The following AP4E1 variants were observed in gnomAD, a reference collection of about 807,000 sequenced individuals.
AP4E1 encodes AP-4 complex subunit epsilon-1.
Under a neutral mutation model 128.2 loss-of-function variants are expected in AP4E1, and 56 were observed. That is an observed-to-expected ratio of 0.44 (90% CI 0.35 to 0.55). The LOEUF is 0.55. Ranked by LOEUF, AP4E1 falls within the 20% of genes least tolerant of loss-of-function variation. AP4E1 has a pLI of 0.00. For synonymous variants in AP4E1, 484 were observed against 473.1 expected (o/e 1.02, Z -0.30); for missense variants, 1,324 against 1,307.7 (o/e 1.01, Z -0.19).
At chr15:50,990,428 G>A (rs1305513836) in intron 16 of AP4E1, among the ~76,000 whole-genome samples, 1 of 150,372 alleles carries the variant, frequency 6.7e-6, no homozygotes, top group Non-Finnish European at 1.5e-5. Context: ...ACATGATCTT[G>A]GCTCACTGCA....
At chr15:50,934,412 T>C (rs1214791384) in intron 7 of AP4E1, 2 of 458,644 alleles carry the variant, frequency 4.4e-6, no homozygotes, top group East Asian at 3.8e-5. Context: ...ATATATCTCA[T>C]TGGTTAACTA....
intron 15 of AP4E1, among the ~76,000 whole-genome samples, chr15:50,969,861 A>G (rs12904989): frequency 0.47 from 71,234 of 151,770 alleles, 16,990 homozygotes; most frequent in East Asian, 0.59. Context: ...GGGTTTCACC[A>G]TGTTAGCCAG....
At chr15:50,979,193 A>G (rs2140908695) in intron 15 of AP4E1, among the ~76,000 whole-genome samples, 1 of 152,306 alleles carries the variant, frequency 6.6e-6, no homozygotes, top group East Asian at 1.9e-4. Flanking sequence ...ACTGTCACAG[A>G]TGCTATTAAA....
intron 10 of AP4E1, among the ~76,000 whole-genome samples, chr15:50,944,426 A>C (rs2140850126): frequency 6.6e-6 from 1 of 152,340 alleles, no homozygotes; most frequent in South Asian, 2.1e-4. Context: ...TCATGGTCTT[A>C]GAATAGGAAA....
In AP4E1 at chr15:50,915,660, A is replaced by G. The variant is rs920044052; in HGVS notation, c.346+89A>G. ...AAATGAATGATGGCATGTATATAGT[A>G]TGTTTTTAGAATACTGTATTATAAT... is the stretch of plus-strand genomic sequence containing the variant. On this transcript the variant is annotated intron_variant, in intron 3 of 20. Coordinates refer to ENST00000261842, the MANE Select transcript of AP4E1 (RefSeq NM_007347.5). 6.3e-6 allele frequency: 9 copies of G among 1,426,840 alleles called. No individual in the cohort carries two copies. The African/African-American group carries it at 1.3e-4, about 20-fold the overall frequency. The allele number at this position is 1,426,840 out of a possible 1,614,324, so 88.4% of individuals were successfully genotyped here.
intron 14 of AP4E1, among the ~76,000 whole-genome samples, chr15:50,967,849 G>A (rs1013342615): frequency 6.6e-6 from 1 of 152,170 alleles, no homozygotes; most frequent in African/African-American, 2.4e-5. Context: ...ATCTTGTTCT[G>A]TTGCCCAGGC....
At chr15:50,912,854 G>A (rs1596451314) in intron 2 of AP4E1, among the ~76,000 whole-genome samples, 1 of 151,906 alleles carries the variant, frequency 6.6e-6, no homozygotes, top group African/African-American at 2.4e-5. Context: ...GTAGAGTTGG[G>A]GTTTTCATCA....
chr15:50,957,433 G>C (rs1270010047), intron 13 of AP4E1, among the ~76,000 whole-genome samples: 1 of 152,080 alleles, frequency 6.6e-6, no homozygotes, highest in Non-Finnish European at 1.5e-5. Context: ...GGCACAGGAT[G>C]GGGCAGGGCA....
chr15:50,996,856 T>C (rs1210575614), intron 17 of AP4E1, among the ~76,000 whole-genome samples: 1 of 152,230 alleles, frequency 6.6e-6, no homozygotes, highest in Admixed American at 6.5e-5. Context: ...AACCAGTTTT[T>C]CTTTCTGCTT....
chr15:50,984,177 T>C (rs376551462), intron 16 of AP4E1, 32 bp downstream of exon 16: 1 of 1,611,306 alleles, frequency 6.2e-7, no homozygotes, highest in Non-Finnish European at 8.5e-7. Flanking sequence ...ATTGAGGTTA[T>C]GGGAGTGCTT....
Position 51,002,542 on chromosome 15 carries a change from C to T in AP4E1, c.3294C>T (p.Ile1098=), listed in dbSNP as rs1380591581. Residue 1098 remains isoleucine (I), a synonymous_variant, in exon 21 of 21, where the codon ATC becomes ATT. Transcript: ENST00000261842. ...GLLACQLLPS[I]PCLLHCRVHA... ...TGGCCTGTCAGCTGCTCCCATCCAT[C>T]CCCTGCTTACTGCATTGCCGAGTTC... is the stretch of plus-strand genomic sequence containing the variant. The T allele has an allele frequency of 1.2e-6, 2 of 1,614,202 alleles. No individual in the cohort carries two copies.
At chr15:50,989,643 A>C (rs1203015620) in intron 16 of AP4E1, among the ~76,000 whole-genome samples, 2 of 152,136 alleles carry the variant, frequency 1.3e-5, no homozygotes, top group Non-Finnish European at 2.9e-5. Flanking sequence ...GGGACAAGGG[A>C]AAGAGACAGG....
At chr15:50,993,691 A>T in intron 17 of AP4E1, 66 bp downstream of exon 17, 1 of 1,598,012 alleles carries the variant, frequency 6.3e-7, no homozygotes, top group South Asian at 1.1e-5. Flanking sequence ...AACTGGCTCT[A>T]TAAAAGCTCC....
intron 14 of AP4E1, 114 bp from the exon 15 acceptor site, chr15:50,968,149 A>T: frequency 1.3e-6 from 1 of 764,246 alleles, no homozygotes; most frequent in Admixed American, 2.6e-5. Flanking sequence ...TGAAGTTTTC[A>T]TTTCTCATTT....
chr15:50,913,607 A>C (rs934169846), intron 2 of AP4E1, among the ~76,000 whole-genome samples: 1 of 152,236 alleles, frequency 6.6e-6, no homozygotes, highest in Non-Finnish European at 1.5e-5. Flanking sequence ...TTCATCTCTA[A>C]AAATAAATGC....
chr15:50,991,179 GC>G (rs1303277535), intron 16 of AP4E1, among the ~76,000 whole-genome samples: 1 of 152,188 alleles, frequency 6.6e-6, no homozygotes, highest in Non-Finnish European at 1.5e-5. Context: ...CCCTGAAGGG[GC>G]TGAGAGATGA....
chr15:50,935,148 G>A (rs926275356), intron 8 of AP4E1, among the ~76,000 whole-genome samples: 3 of 151,894 alleles, frequency 2.0e-5, no homozygotes, highest in Admixed American at 6.6e-5. Flanking sequence ...AACATTATGG[G>A]GCTTATAAAC....
chr15:50,944,814 T>G, intron 10 of AP4E1: 2 of 703,080 alleles, frequency 2.8e-6, no homozygotes, highest in East Asian at 2.5e-5. Flanking sequence ...CAAAATGGAA[T>G]GAGTATTTGC....
chr15:50,914,679 A>G (rs1278032245), intron 2 of AP4E1, among the ~76,000 whole-genome samples: 2 of 149,686 alleles, frequency 1.3e-5, no homozygotes, highest in African/African-American at 2.4e-5. Flanking sequence ...AAAGTCTGTG[A>G]GCTTTTAGTT....
Sources: allele counts gnomAD v4.1 joint callset (sites outside exome capture counted in the v4.1 genomes callset), GRCh38; gene constraint gnomAD v4.1.1; transcripts MANE v1.5; gene names NCBI Gene and HGNC (gene_info 2026-07-23, HGNC 2026-07-21).